KCNQ5: variants seen among roughly 807,000 people sequenced by gnomAD.
The protein encoded by KCNQ5 is potassium voltage-gated channel subfamily KQT member 5.
Under a neutral mutation model 98.2 loss-of-function variants are expected in KCNQ5, and 30 were observed. The observed-to-expected ratio is 0.31, with a 90% CI of 0.23 to 0.41. The LOEUF (loss-of-function observed/expected upper bound fraction) is 0.41, where lower values mean the gene tolerates loss of function less well. Ranked by LOEUF, KCNQ5 falls within the 10% of genes least tolerant of loss-of-function variation. The pLI is 1.00. For missense variants in KCNQ5, 835 were observed against 1,182.5 expected (o/e 0.71, Z 4.31); for synonymous variants, 458 against 449.4 (o/e 1.02, Z -0.24).
intron 1 of KCNQ5, among the ~76,000 whole-genome samples, chr6:72,912,596 T>C (rs1779985126): frequency 1.3e-5 from 2 of 152,230 alleles, no homozygotes; most frequent in African/African-American, 4.8e-5. Context: ...GTCAAATTTT[T>C]CTGAATCTGG....
At position 73,017,009 on chromosome 6, in the gene KCNQ5, T is replaced by C. The variant is rs13213984; in HGVS notation, c.489+13011T>C. 4.9e-3 allele frequency among the ~76,000 whole-genome samples: 746 copies of C among 152,270 alleles called. 4 individuals carry two copies. Among genetic ancestry groups the C allele is most frequent in the Non-Finnish European group, 8.7e-3 (594 of 68,000 alleles). On this transcript the variant is annotated intron_variant, in intron 2 of 13. Coordinates refer to ENST00000370398, the MANE Select transcript of KCNQ5 (RefSeq NM_019842.4). Reference sequence around the variant, plus strand: ...TCCTGTGGATTTCTATAGATTTTCATATATTTCCCTGGGTTCTGCTTACTT... The same window carrying C: ...TCCTGTGGATTTCTATAGATTTTCACATATTTCCCTGGGTTCTGCTTACTT...
At chr6:72,729,406 G>A (rs1413712242) in intron 1 of KCNQ5, among the ~76,000 whole-genome samples, 1 of 152,158 alleles carries the variant, frequency 6.6e-6, no homozygotes, top group Non-Finnish European at 1.5e-5. Context: ...TCCTGCCTCA[G>A]CCTCCCAAGT....
intron 11 of KCNQ5, among the ~76,000 whole-genome samples, chr6:73,187,382 A>G (rs899260762): frequency 1.3e-5 from 2 of 152,210 alleles, no homozygotes; most frequent in African/African-American, 4.8e-5. Flanking sequence ...AATTCTTAAA[A>G]GTAGTCAGTG....
chr6:73,114,441 C>A (rs888190645), intron 7 of KCNQ5, among the ~76,000 whole-genome samples: 15 of 152,264 alleles, frequency 9.9e-5, no homozygotes, highest in Middle Eastern at 3.4e-3. Context: ...AAATTTAAAA[C>A]CCCAGAAGCT....
At chr6:72,873,727 AT>A (rs1778302065) in intron 1 of KCNQ5, among the ~76,000 whole-genome samples, 1 of 152,158 alleles carries the variant, frequency 6.6e-6, no homozygotes, top group Non-Finnish European at 1.5e-5. Context: ...TACATTAAAA[AT>A]AATCTAGAAA....
chr6:72,832,208 G>T (rs1303432077), intron 1 of KCNQ5, among the ~76,000 whole-genome samples: 1 of 152,022 alleles, frequency 6.6e-6, no homozygotes, highest in Non-Finnish European at 1.5e-5. Context: ...TTGGAAGAGT[G>T]AGAGGAAAGA....
intron 1 of KCNQ5, among the ~76,000 whole-genome samples, chr6:72,658,259 G>T (rs1354705345): frequency 2.0e-5 from 3 of 151,942 alleles, no homozygotes; most frequent in Non-Finnish European, 4.4e-5. Context: ...TTGGTGATGT[G>T]TAAAGAATTT....
At chr6:72,887,024 A>G (rs1778871449) in intron 1 of KCNQ5, among the ~76,000 whole-genome samples, 1 of 152,212 alleles carries the variant, frequency 6.6e-6, no homozygotes, top group African/African-American at 2.4e-5. Context: ...AAATAGATGG[A>G]AAAAGCTAAT....
At chr6:72,934,395 G>A (rs1562077347) in intron 1 of KCNQ5, among the ~76,000 whole-genome samples, 5 of 152,140 alleles carry the variant, frequency 3.3e-5, no homozygotes, top group Admixed American at 1.3e-4. Flanking sequence ...TGGTGGTGAT[G>A]GTGGTGATGA....
At chr6:73,006,112 A>G (rs995739959) in intron 2 of KCNQ5, among the ~76,000 whole-genome samples, 4 of 152,198 alleles carry the variant, frequency 2.6e-5, no homozygotes, top group Non-Finnish European at 4.4e-5. Context: ...TAAAAGTTCA[A>G]TCATTTGTAG....
chr6:73,179,996 G>GATGA lies in KCNQ5; in HGVS notation c.1577+10166_1577+10169dup, dbSNP rs3837017. 1.2e-3 allele frequency among the ~76,000 whole-genome samples: 181 copies of GATGA among 151,696 alleles called. 2 individuals are homozygous for GATGA. The highest frequency in any genetic ancestry group is 6.9e-3 in the Middle Eastern group (2 of 290). On this transcript the variant is annotated intron_variant, in intron 11 of 13. Coordinates refer to ENST00000370398, the MANE Select transcript of KCNQ5 (RefSeq NM_019842.4). ...TATAATAGGCACTCAATAAATGTTT[G>GATGA]ATGAATGAATGAATGAATGAATGAA...
chr6:72,957,289 G>A (rs1481641498), intron 1 of KCNQ5, among the ~76,000 whole-genome samples: 1 of 150,160 alleles, frequency 6.7e-6, no homozygotes, highest in African/African-American at 2.4e-5. Flanking sequence ...TCCAGCCTCA[G>A]CCTCCCTAGT....
At chr6:73,146,927 T>C (rs532342117) in intron 10 of KCNQ5, among the ~76,000 whole-genome samples, 1 of 152,194 alleles carries the variant, frequency 6.6e-6, no homozygotes, top group Non-Finnish European at 1.5e-5. Context: ...TTTTAAAAAA[T>C]TGTTTTCACC....
intron 1 of KCNQ5, among the ~76,000 whole-genome samples, chr6:72,828,664 G>A (rs1344590930): frequency 6.6e-6 from 1 of 152,006 alleles, no homozygotes; most frequent in Non-Finnish European, 1.5e-5. Context: ...GTCACCTACA[G>A]AGACAATCTG....
At chr6:73,037,565 CT>C (rs1771495135) in intron 2 of KCNQ5, among the ~76,000 whole-genome samples, 1 of 152,128 alleles carries the variant, frequency 6.6e-6, no homozygotes, top group Admixed American at 6.5e-5. Context: ...TTAAGGTCCA[CT>C]TTTTTGCCTA....
chr6:73,165,683 G>T (rs561294412), intron 10 of KCNQ5, among the ~76,000 whole-genome samples: 4 of 152,156 alleles, frequency 2.6e-5, no homozygotes, highest in African/African-American at 4.8e-5. Flanking sequence ...GGTGGTTCAC[G>T]CCTGTAATCC....
chr6:72,909,560 C>G (rs1779840654), intron 1 of KCNQ5, among the ~76,000 whole-genome samples: 1 of 152,134 alleles, frequency 6.6e-6, no homozygotes, highest in Non-Finnish European at 1.5e-5. Context: ...CATTGAGGCT[C>G]TGGTCCAGAG....
chr6:73,144,509 T>C (rs970147123), intron 10 of KCNQ5, among the ~76,000 whole-genome samples: 1 of 152,252 alleles, frequency 6.6e-6, no homozygotes, highest in Non-Finnish European at 1.5e-5. Flanking sequence ...AATTGATGAC[T>C]AATCATTCCC....
At chr6:72,985,900 G>A (rs1768750488) in intron 1 of KCNQ5, among the ~76,000 whole-genome samples, 1 of 152,122 alleles carries the variant, frequency 6.6e-6, no homozygotes, top group Non-Finnish European at 1.5e-5. Context: ...CAAAAATATG[G>A]AGTCAACTAG....
Sources: gnomAD v4.1 joint callset for allele counts (sites outside exome capture counted in the v4.1 genomes callset) on GRCh38, gnomAD v4.1.1 for gene constraint, MANE v1.5 for transcripts, NCBI Gene and HGNC (gene_info 2026-07-23, HGNC 2026-07-21) for gene names.